Variants in ZFPM2 observed in about 807,000 individuals in gnomAD.
ZFPM2 encodes zinc finger protein ZFPM2.
Under a neutral mutation model 98.6 loss-of-function variants are expected in ZFPM2, and 20 were observed. That is an observed-to-expected ratio of 0.20 (90% CI 0.14 to 0.29). The LOEUF is 0.29. Ranked by LOEUF, ZFPM2 falls within the 10% of genes least tolerant of loss-of-function variation. The pLI, the probability that ZFPM2 is intolerant of heterozygous loss-of-function variation, is 1.00. For synonymous variants in ZFPM2, 518 were observed against 502.7 expected, an observed-to-expected ratio of 1.03 and a Z score of -0.41; for missense variants, 1,310 against 1,388.6, an observed-to-expected ratio of 0.94 and a Z score of 0.90.
chr8:105,552,880 A>G (rs2130668496), intron 3 of ZFPM2, among the ~76,000 whole-genome samples: 1 of 145,010 alleles, frequency 6.9e-6, no homozygotes, highest in African/African-American at 2.6e-5. Flanking sequence ...GCAGTGGCAC[A>G]CCTGTAGTCC....
intron 5 of ZFPM2, among the ~76,000 whole-genome samples, chr8:105,767,781 T>C (rs1812888244): frequency 6.6e-6 from 1 of 151,872 alleles, no homozygotes; most frequent in African/African-American, 2.4e-5. Context: ...TATCTTAAAC[T>C]TGGAACAGCT....
intron 4 of ZFPM2, among the ~76,000 whole-genome samples, chr8:105,564,971 T>C: frequency 6.6e-6 from 1 of 152,134 alleles, no homozygotes; most frequent in Non-Finnish European, 1.5e-5. Context: ...CTACTACCCC[T>C]TCCCTACCCA....
intron 3 of ZFPM2, among the ~76,000 whole-genome samples, chr8:105,485,138 A>C (rs553117977): frequency 6.6e-6 from 1 of 152,314 alleles, no homozygotes; most frequent in East Asian, 1.9e-4. Context: ...AAGTGGCCTC[A>C]GTTCCAGCGA....
intron 1 of ZFPM2, among the ~76,000 whole-genome samples, chr8:105,380,738 A>ATAT (rs1810851866): frequency 2.3e-5 from 1 of 44,332 alleles, no homozygotes; most frequent in African/African-American, 1.3e-4. Context: ...CATATATATT[A>ATAT]TATATATATG....
chr8:105,634,665 C>T (rs1377868262), intron 5 of ZFPM2, among the ~76,000 whole-genome samples: 1 of 152,014 alleles, frequency 6.6e-6, no homozygotes, highest in Non-Finnish European at 1.5e-5. Flanking sequence ...CCAGGTTTGA[C>T]GAAACTCCAA....
rs73700151 is a variant in ZFPM2, at chr8:105,782,113, A to G, written c.533-6605A>G. ...AGTAAAATGAGAATCAATAAAAGCC[A>G]CCTCACTGCTTTCTTGGGGGAAATC... is the stretch of plus-strand genomic sequence containing the variant. On this transcript the variant is annotated intron_variant, in intron 5 of 7. Transcript: ENST00000407775. Among the ~76,000 whole-genome samples the G allele has an allele frequency of 4.4e-3, 674 of 152,182 alleles. 3 individuals are homozygous for G. Among genetic ancestry groups the G allele is most frequent in the African/African-American group, 0.015 (603 of 41,536 alleles).
intron 5 of ZFPM2, among the ~76,000 whole-genome samples, chr8:105,751,159 T>C (rs1463201400): frequency 6.6e-6 from 1 of 152,140 alleles, no homozygotes; most frequent in Admixed American, 6.6e-5. Context: ...ACATTTGTAC[T>C]AATGCTCAAA....
intron 2 of ZFPM2, among the ~76,000 whole-genome samples, chr8:105,420,496 A>G (rs1811770872): frequency 6.6e-6 from 1 of 152,144 alleles, no homozygotes; most frequent in South Asian, 2.1e-4. Flanking sequence ...ACTGAAATTC[A>G]AAAAACCTCC....
At chr8:105,757,693 G>T (rs548723989) in intron 5 of ZFPM2, among the ~76,000 whole-genome samples, 2 of 152,104 alleles carry the variant, frequency 1.3e-5, no homozygotes, top group Non-Finnish European at 2.9e-5. Flanking sequence ...ATCTGGAATG[G>T]TATTGTGTGG....
At chr8:105,626,671 T>A (rs1010313068) in intron 4 of ZFPM2, among the ~76,000 whole-genome samples, 2 of 152,096 alleles carry the variant, frequency 1.3e-5, no homozygotes, top group Non-Finnish European at 2.9e-5. Context: ...ATAGTAATTT[T>A]AAAAATCCTC....
At chr8:105,774,075 C>A (rs1813042894) in intron 5 of ZFPM2, among the ~76,000 whole-genome samples, 1 of 152,090 alleles carries the variant, frequency 6.6e-6, no homozygotes, top group African/African-American at 2.4e-5. Flanking sequence ...CTCTGAAATT[C>A]AAGGAACATA....
At chr8:105,515,771 C>T (rs993334060) in intron 3 of ZFPM2, among the ~76,000 whole-genome samples, 5 of 151,964 alleles carry the variant, frequency 3.3e-5, no homozygotes, top group African/African-American at 7.3e-5. Context: ...TCATGGACTC[C>T]GTGCAGACAT....
At chr8:105,553,568 G>A (rs1300274310) in intron 3 of ZFPM2, among the ~76,000 whole-genome samples, 2 of 152,130 alleles carry the variant, frequency 1.3e-5, no homozygotes, top group African/African-American at 4.8e-5. Context: ...ATCTTTTCCA[G>A]TGCAATTACA....
intron 3 of ZFPM2, among the ~76,000 whole-genome samples, chr8:105,553,386 A>G (rs1255596638): frequency 6.6e-6 from 1 of 152,138 alleles, no homozygotes; most frequent in Non-Finnish European, 1.5e-5. Context: ...GTACACATTG[A>G]TTTCTATGAC....
chr8:105,330,621 T>TACAC lies in ZFPM2; in HGVS notation c.40+11641_40+11642insCACA, dbSNP rs1554595031. Among the ~76,000 whole-genome samples, 733 of 104,582 alleles carry TACAC rather than the reference T, an allele frequency of 7.0e-3. 17 individuals are homozygous for TACAC. The highest frequency in any genetic ancestry group is 0.025 in the Middle Eastern group (5 of 202). 68.6% of individuals were successfully genotyped at this position (104,582 alleles called of 152,430 possible). A position where few individuals can be genotyped will look rare whatever the true frequency, so the allele number is the denominator to read the frequency against. On this transcript the variant is annotated intron_variant, in intron 1 of 7. Coordinates refer to ENST00000407775, the MANE Select transcript of ZFPM2 (RefSeq NM_012082.4). Reference sequence around the variant, plus strand: ...ATATATATATATATACACATATATATATATATATATACATATATATATATA... The same window carrying TACAC: ...ATATATATATATATACACATATATATACACATATATATATACATATATATATATA...
intron 5 of ZFPM2, among the ~76,000 whole-genome samples, chr8:105,721,144 A>G (rs1297195909): frequency 1.3e-5 from 2 of 151,878 alleles, no homozygotes; most frequent in Non-Finnish European, 2.9e-5. Context: ...TGCATACTCC[A>G]GTTCTGCAGT....
At chr8:105,500,142 G>A (rs1253653305) in intron 3 of ZFPM2, among the ~76,000 whole-genome samples, 1 of 152,020 alleles carries the variant, frequency 6.6e-6, no homozygotes, top group Non-Finnish European at 1.5e-5. Context: ...AAAAACTTCT[G>A]TTATACTGTG....
intron 5 of ZFPM2, among the ~76,000 whole-genome samples, chr8:105,727,786 A>T (rs1283584349): frequency 6.6e-6 from 1 of 151,700 alleles, no homozygotes; most frequent in African/African-American, 2.4e-5. Context: ...GCTGGGGGAA[A>T]GATAGAAAGG....
intron 1 of ZFPM2, among the ~76,000 whole-genome samples, chr8:105,359,575 C>T (rs574479714): frequency 1.4e-4 from 21 of 151,988 alleles, no homozygotes; most frequent in South Asian, 4.2e-4. Flanking sequence ...GGGGTTTCAC[C>T]GTGTTAGCCA....
Sources: gnomAD v4.1 joint callset for allele counts (sites outside exome capture counted in the v4.1 genomes callset) on GRCh38, gnomAD v4.1.1 for gene constraint, MANE v1.5 for transcripts, NCBI Gene and HGNC (gene_info 2026-07-23, HGNC 2026-07-21) for gene names.